Variants in ANKRD33B observed in about 807,000 individuals in gnomAD.
The protein encoded by ANKRD33B is ankyrin repeat domain 33B.
ANKRD33B carries 6 observed loss-of-function variants against 21.5 expected under a neutral mutation model. The observed-to-expected ratio is 0.28, with a 90% CI of 0.15 to 0.55. The LOEUF (loss-of-function observed/expected upper bound fraction) is 0.55, where lower values mean the gene tolerates loss of function less well. Ranked by LOEUF, ANKRD33B falls within the 20% of genes least tolerant of loss-of-function variation. The probability of loss-of-function intolerance (pLI) is 0.94; values close to 1 mark genes in which losing one functional copy is unlikely to be tolerated. For synonymous variants in ANKRD33B, 347 were observed against 342.4 expected (o/e 1.01, Z -0.15); for missense variants, 698 against 747.2 (o/e 0.93, Z 0.77).
chr5:10,579,597 G>T (rs1735399664), intron 1 of ANKRD33B, among the ~76,000 whole-genome samples: 1 of 152,084 alleles, frequency 6.6e-6, no homozygotes, highest in African/African-American at 2.4e-5. Flanking sequence ...TGCACATATA[G>T]ATGATCTCTA....
At chr5:10,644,526 A>G (rs902378703) in intron 3 of ANKRD33B, among the ~76,000 whole-genome samples, 1 of 152,216 alleles carries the variant, frequency 6.6e-6, no homozygotes, top group East Asian at 1.9e-4. Context: ...ACAAGCAGCA[A>G]TAACCTCAAA....
At chr5:10,588,927 A>T (rs1413512961) in intron 1 of ANKRD33B, among the ~76,000 whole-genome samples, 3 of 152,174 alleles carry the variant, frequency 2.0e-5, no homozygotes, top group African/African-American at 7.2e-5. Context: ...TCACTTATGC[A>T]TATGAATACT....
chr5:10,600,623 A>G (rs2126568016), intron 1 of ANKRD33B, among the ~76,000 whole-genome samples: 1 of 152,362 alleles, frequency 6.6e-6, no homozygotes, highest in Admixed American at 6.5e-5. Flanking sequence ...TGTCCTGAAC[A>G]TTCTTGTATA....
chr5:10,574,380 A>G (rs1316053385), intron 1 of ANKRD33B, among the ~76,000 whole-genome samples: 2 of 152,248 alleles, frequency 1.3e-5, no homozygotes, highest in East Asian at 1.9e-4. Flanking sequence ...CATAAACACC[A>G]TGTTCTCTGA....
chr5:10,653,312 C>T lies in ANKRD33B; in HGVS notation c.*3199C>T, dbSNP rs1274275936. 3 of 152,480 alleles carry T rather than the reference C, an allele frequency of 2.0e-5. No individual in the cohort carries two copies. The highest frequency in any genetic ancestry group is 1.3e-4 in the Admixed American group (2 of 15,282). 9.4% of individuals were successfully genotyped at this position (152,480 alleles called of 1,614,324 possible). A position where few individuals can be genotyped will look rare whatever the true frequency, so the allele number is the denominator to read the frequency against. ...TTTTCCAAGTCAAGGGAAGTGTTGC[C>T]AAACCTCTTGCCTCGACCTGTGGGG... is the stretch of plus-strand genomic sequence containing the variant. On this transcript the variant is annotated 3_prime_UTR_variant, in exon 4 of 4. Transcript: ENST00000296657.
chr5:10,577,422 C>G (rs111593316), intron 1 of ANKRD33B, among the ~76,000 whole-genome samples: 9,470 of 152,292 alleles, frequency 0.062, 408 homozygotes, highest in Non-Finnish European at 0.091. Flanking sequence ...CGCGCCCGGC[C>G]GCCTTTCTCT....
chr5:10,573,127 T>G (rs1735237365), intron 1 of ANKRD33B, among the ~76,000 whole-genome samples: 1 of 152,172 alleles, frequency 6.6e-6, no homozygotes, highest in Non-Finnish European at 1.5e-5. Flanking sequence ...TAGAAATAAG[T>G]AAAATCCACC....
rs1436392852 is a variant in ANKRD33B at position 10,622,794 on chromosome 5, C to CTTTT, written c.496+4335_496+4336insTTTT. ...GATCCAGGGTTGTTTTTTGTTTTTG[C>CTTTT]TTTATTTTATTTTATTTTTTTTTTT... On this transcript the variant is annotated intron_variant, in intron 2 of 3. Transcript: ENST00000296657. Among the ~76,000 whole-genome samples, 9 of 78,592 alleles carry CTTTT rather than the reference C, an allele frequency of 1.1e-4. 1 individual carries two copies. The highest frequency in any genetic ancestry group is 1.1e-3 in the East Asian group (2 of 1,874). 51.6% of individuals were successfully genotyped at this position (78,592 alleles called of 152,430 possible).
At chr5:10,647,775 A>G (rs1262159289) in intron 3 of ANKRD33B, among the ~76,000 whole-genome samples, 1 of 152,174 alleles carries the variant, frequency 6.6e-6, no homozygotes, top group Non-Finnish European at 1.5e-5. Context: ...TTGAGGTGGA[A>G]TTTCTTTGTT....
At chr5:10,575,207 G>A (rs1367721242) in intron 1 of ANKRD33B, among the ~76,000 whole-genome samples, 1 of 151,218 alleles carries the variant, frequency 6.6e-6, no homozygotes, top group African/African-American at 2.4e-5. Flanking sequence ...GGCGGATCAT[G>A]AGGTCAAAAG....
Position 10,564,450 on chromosome 5 carries a change from CGCGCCCCGGCCGCCGGCAT to C in ANKRD33B, c.-16_3del. 1 of 1,119,990 alleles carries C rather than the reference CGCGCCCCGGCCGCCGGCAT, an allele frequency of 8.9e-7. No individual in the cohort carries two copies. The highest frequency in any genetic ancestry group is 4.3e-5 in the South Asian group (1 of 23,308). The allele number at this position is 1,119,990 out of a possible 1,614,324, so 69.4% of individuals were successfully genotyped here. A position where few individuals can be genotyped will look rare whatever the true frequency, so the allele number is the denominator to read the frequency against. On this transcript the variant is annotated start_lost and 5_prime_UTR_variant, in exon 1 of 4. Transcript: ENST00000296657. ...CCTGCCCGCGCCCCGGCCCCCGGCC[CGCGCCCCGGCCGCCGGCAT>C]GGTGCTGCTGGCCGGGACCGGGCCG... is the stretch of plus-strand genomic sequence containing the variant.
chr5:10,567,927 C>T (rs965043449), intron 1 of ANKRD33B, among the ~76,000 whole-genome samples: 1 of 152,150 alleles, frequency 6.6e-6, no homozygotes, highest in Non-Finnish European at 1.5e-5. Context: ...AGCCCACAGC[C>T]GGCTTTCTAG....
At chr5:10,624,726 G>A (rs1382971698) in intron 2 of ANKRD33B, 1 of 456,470 alleles carries the variant, frequency 2.2e-6, no homozygotes, top group Non-Finnish European at 4.4e-6. Flanking sequence ...AACCTCCAGG[G>A]GCTGCCCCTG....
chr5:10,645,015 G>C (rs1020925284), intron 3 of ANKRD33B, among the ~76,000 whole-genome samples: 1 of 152,252 alleles, frequency 6.6e-6, no homozygotes, highest in Non-Finnish European at 1.5e-5. Context: ...GAGATGCTGG[G>C]AAGTTTATTT....
chr5:10,613,653 C>A (rs1736220830), intron 1 of ANKRD33B, among the ~76,000 whole-genome samples: 2 of 152,112 alleles, frequency 1.3e-5, no homozygotes, highest in Admixed American at 6.6e-5. Context: ...GTAATCCCAG[C>A]ACTTTGGGAG....
In ANKRD33B at chr5:10,655,598, A is replaced by T. The variant is rs1334808104; in HGVS notation, c.*5485A>T. On this transcript the variant is annotated 3_prime_UTR_variant, in exon 4 of 4. Transcript: ENST00000296657. Reference sequence around the variant, plus strand: ...GGCTTGCTCATTTCCGTCCTGACACAGCTCGCTGTTCCTGCGGTGGTCAGA... The same window carrying T: ...GGCTTGCTCATTTCCGTCCTGACACTGCTCGCTGTTCCTGCGGTGGTCAGA... The T allele has an allele frequency of 6.6e-6, 1 of 152,336 alleles. No homozygotes were observed. Among genetic ancestry groups the T allele is most frequent in the Non-Finnish European group, 1.5e-5 (1 of 68,048 alleles). 9.4% of individuals were successfully genotyped at this position (152,336 alleles called of 1,614,324 possible). A position where few individuals can be genotyped will look rare whatever the true frequency, so the allele number is the denominator to read the frequency against.
chr5:10,582,919 A>G (rs1204663671), intron 1 of ANKRD33B, among the ~76,000 whole-genome samples: 1 of 151,886 alleles, frequency 6.6e-6, no homozygotes, highest in Non-Finnish European at 1.5e-5. Flanking sequence ...GGAGATGCTC[A>G]ACCTCATTCA....
chr5:10,613,923 T>C (rs1313810001), intron 1 of ANKRD33B, among the ~76,000 whole-genome samples: 2 of 148,784 alleles, frequency 1.3e-5, no homozygotes, highest in African/African-American at 4.9e-5. Flanking sequence ...AAGTTGAAAG[T>C]AGTTCTTCCA....
rs1173093396 is a variant in ANKRD33B at position 10,564,686 on chromosome 5, GAGCGTCCCGGAGGGCGTCCCGGAA to G, written c.232_255del (p.Gly78_Glu85del). 23 of 1,534,134 alleles carry G rather than the reference GAGCGTCCCGGAGGGCGTCCCGGAA, an allele frequency of 1.5e-5. No homozygotes were observed. Among genetic ancestry groups the G allele is most frequent in the Non-Finnish European group, 1.8e-5 (21 of 1,146,156 alleles). ...AGGAGCACGGCGTCGAGAGCGCGGAGAGCGTCCCGGAGGGCGTCCCGGAAAGCGTCCCGGAGACGGCGACCCTCC... is the reference window on the plus strand; with the variant it reads ...AGGAGCACGGCGTCGAGAGCGCGGAGAGCGTCCCGGAGACGGCGACCCTCC... On this transcript the variant is annotated inframe_deletion, in exon 1 of 4. Transcript: ENST00000296657.
Sources: gnomAD v4.1 joint callset for allele counts (sites outside exome capture counted in the v4.1 genomes callset) on GRCh38, gnomAD v4.1.1 for gene constraint, MANE v1.5 for transcripts, NCBI Gene and HGNC (gene_info 2026-07-23, HGNC 2026-07-21) for gene names.